RPSA2: variants seen among roughly 807,000 people sequenced by gnomAD.
The protein encoded by RPSA2 is small ribosomal subunit protein uS2B.
the RPSA2 span, among the ~76,000 whole-genome samples, chr19:23,761,911 T>TTCC: frequency 4.2e-5 from 1 of 24,066 alleles, no homozygotes. Context: ...ATTCTTTCTT[T>TTCC]CTTTCTTTCT....
chr19:23,799,863 C>G, the RPSA2 span, among the ~76,000 whole-genome samples: 2 of 152,158 alleles, frequency 1.3e-5, no homozygotes, highest in Non-Finnish European at 2.9e-5. Flanking sequence ...TCCCCAATGT[C>G]CAGGTGAATT....
the RPSA2 span, among the ~76,000 whole-genome samples, chr19:23,844,912 CT>C: frequency 2.7e-5 from 4 of 149,336 alleles, no homozygotes; most frequent in African/African-American, 7.3e-5. Flanking sequence ...TTTTTCAAGA[CT>C]TTTTTTTATT....
chr19:23,825,780 G>A, the RPSA2 span, among the ~76,000 whole-genome samples: 1 of 151,824 alleles, frequency 6.6e-6, no homozygotes, highest in South Asian at 2.1e-4. Flanking sequence ...GTAGAGACAG[G>A]GTTTCTCCAT....
chr19:23,763,436 T>C, the RPSA2 span, among the ~76,000 whole-genome samples: 1 of 152,206 alleles, frequency 6.6e-6, no homozygotes. Flanking sequence ...ACCCGGTGTT[T>C]GCGTGGGAAG....
At chr19:23,792,011 T>C in the RPSA2 span, among the ~76,000 whole-genome samples, 1 of 152,214 alleles carries the variant, frequency 6.6e-6, no homozygotes, top group Non-Finnish European at 1.5e-5. Flanking sequence ...CATGAGCCAC[T>C]GCGCCCTGCC....
At chr19:23,864,926 C>G in the RPSA2 span, among the ~76,000 whole-genome samples, 28 of 152,124 alleles carry the variant, frequency 1.8e-4, no homozygotes, top group Non-Finnish European at 3.5e-4. Flanking sequence ...ATGTGAAGGG[C>G]TCTAGAAGCT....
At chr19:23,868,198 A>G in the RPSA2 span, among the ~76,000 whole-genome samples, 2,621 of 152,318 alleles carry the variant, frequency 0.017, 37 homozygotes, top group Non-Finnish European at 0.029. Context: ...TTGTAGTAAT[A>G]GATCTTAAAG....
At chr19:23,780,920 T>TG in the RPSA2 span, among the ~76,000 whole-genome samples, 1 of 152,224 alleles carries the variant, frequency 6.6e-6, no homozygotes, top group Admixed American at 6.5e-5. Flanking sequence ...ACCTCACTTT[T>TG]GGAGATAGTT....
At chr19:23,797,026 A>G in the RPSA2 span, among the ~76,000 whole-genome samples, 1 of 131,884 alleles carries the variant, frequency 7.6e-6, no homozygotes, top group South Asian at 2.2e-4. Context: ...TTTTAGCATT[A>G]AATGCTATAA....
the RPSA2 span, chr19:23,832,610 G>T: frequency 1.5e-6 from 2 of 1,362,316 alleles, no homozygotes; most frequent in Middle Eastern, 2.0e-4. Flanking sequence ...TACACATAAG[G>T]TAATTCATAC....
the RPSA2 span, among the ~76,000 whole-genome samples, chr19:23,759,923 T>C: frequency 6.6e-6 from 1 of 152,244 alleles, no homozygotes; most frequent in Admixed American, 6.5e-5. Flanking sequence ...CAAACAGCTT[T>C]GCCAAGCCTC....
chr19:23,807,167 G>T, the RPSA2 span, among the ~76,000 whole-genome samples: 1 of 152,102 alleles, frequency 6.6e-6, no homozygotes, highest in African/African-American at 2.4e-5. Context: ...TAATCTGGCA[G>T]CTGCCCTGTT....
the RPSA2 span, among the ~76,000 whole-genome samples, chr19:23,812,106 A>C: frequency 1.3e-5 from 2 of 152,166 alleles, no homozygotes; most frequent in African/African-American, 4.8e-5. Flanking sequence ...AGATTTTATG[A>C]GTAAACATTT....
chr19:23,830,602 T>A, the RPSA2 span, among the ~76,000 whole-genome samples: 1 of 152,094 alleles, frequency 6.6e-6, no homozygotes, highest in Non-Finnish European at 1.5e-5. Context: ...ATCTATTAGT[T>A]TTTTTTAAAT....
chr19:23,826,186 TTTTTTTC>T, the RPSA2 span, among the ~76,000 whole-genome samples: 563 of 151,798 alleles, frequency 3.7e-3, 2 homozygotes, highest in African/African-American at 0.013. Flanking sequence ...TAATTTTTTC[TTTTTTTC>T]TTTTTTCTTT....
chr19:23,812,926 T>C, the RPSA2 span, among the ~76,000 whole-genome samples: 4 of 152,198 alleles, frequency 2.6e-5, no homozygotes, highest in African/African-American at 7.2e-5. Context: ...CTTAAATCTA[T>C]TTAAATATAC....
At chr19:23,831,786 C>T in the RPSA2 span, 1 of 290,396 alleles carries the variant, frequency 3.4e-6, no homozygotes, top group African/African-American at 2.3e-5. Flanking sequence ...TGTTTCACAA[C>T]TACTCAGAGC....
the RPSA2 span, among the ~76,000 whole-genome samples, chr19:23,778,027 A>C: frequency 6.6e-6 from 1 of 152,278 alleles, no homozygotes; most frequent in South Asian, 2.1e-4. Context: ...TCTATCCCCC[A>C]AAAAACTGAC....
the RPSA2 span, among the ~76,000 whole-genome samples, chr19:23,809,748 T>A: frequency 3.2e-4 from 46 of 145,934 alleles, no homozygotes; most frequent in African/African-American, 1.1e-3. Flanking sequence ...GTTTTTTTTT[T>A]ATATATAAGA....
Sources: gnomAD v4.1 joint callset for allele counts (sites outside exome capture counted in the v4.1 genomes callset) on GRCh38, gnomAD v4.1.1 for gene constraint, MANE v1.5 for transcripts, NCBI Gene and HGNC (gene_info 2026-07-23, HGNC 2026-07-21) for gene names.